Variants in ADGRL3 observed in about 807,000 individuals in gnomAD.
The protein encoded by ADGRL3 is calcium-independent alpha-latrotoxin receptor 3.
In ADGRL3, 62 loss-of-function variants were observed where a neutral mutation model predicts 153.5. That is an observed-to-expected ratio of 0.40 (90% CI 0.33 to 0.50). ADGRL3 has a LOEUF of 0.50. ADGRL3 is among the 20% of genes least tolerant of loss of function. The probability of loss-of-function intolerance (pLI) is 0.47; values close to 1 mark genes in which losing one functional copy is unlikely to be tolerated. For missense variants in ADGRL3, 1,641 were observed against 1,859.4 expected (o/e 0.88, Z 2.16); for synonymous variants, 710 against 672.5 (o/e 1.06, Z -0.86).
intron 6 of ADGRL3, among the ~76,000 whole-genome samples, chr4:61,679,771 G>C (rs1456401542): frequency 6.6e-6 from 1 of 151,950 alleles, no homozygotes; most frequent in Non-Finnish European, 1.5e-5. Context: ...ATTTGGGTCT[G>C]TTTCTAATAC....
At chr4:62,046,920 T>C (rs1466974062) in intron 25 of ADGRL3, among the ~76,000 whole-genome samples, 1 of 151,982 alleles carries the variant, frequency 6.6e-6, no homozygotes, top group Non-Finnish European at 1.5e-5. Flanking sequence ...TCTTTAATCT[T>C]GTCTTATTTC....
chr4:61,404,779 A>G (rs917281536), intron 2 of ADGRL3, among the ~76,000 whole-genome samples: 1 of 152,116 alleles, frequency 6.6e-6, no homozygotes, highest in African/African-American at 2.4e-5. Context: ...AAATCCATTC[A>G]TGTTTTCAAT....
intron 9 of ADGRL3, among the ~76,000 whole-genome samples, chr4:61,835,672 T>C (rs971944493): frequency 6.6e-6 from 1 of 152,032 alleles, no homozygotes; most frequent in Non-Finnish European, 1.5e-5. Flanking sequence ...AATCTCCCCA[T>C]GGGTAGTTTA....
intron 4 of ADGRL3, among the ~76,000 whole-genome samples, chr4:61,569,210 T>G (rs921740321): frequency 6.6e-5 from 10 of 152,326 alleles, no homozygotes; most frequent in South Asian, 2.1e-4. Flanking sequence ...TTGTGCTTTT[T>G]CATAATACAT....
rs111351960 is a variant in ADGRL3, at chr4:61,351,389, A to G, written c.-239-31735A>G. 5.4e-3 allele frequency among the ~76,000 whole-genome samples: 829 copies of G among 152,380 alleles called. 6 individuals are homozygous for G. Among genetic ancestry groups the G allele is most frequent in the African/African-American group, 0.019 (778 of 41,590 alleles). On this transcript the variant is annotated intron_variant, in intron 1 of 26. Coordinates refer to ENST00000683033, the MANE Select transcript of ADGRL3 (RefSeq NM_001387552.1). Reference sequence around the variant, plus strand: ...ATGTAGAAGCTGTAGCAAGTTATCCAGGAGATCTAGCTAAGATCATTGATG... The same window carrying G: ...ATGTAGAAGCTGTAGCAAGTTATCCGGGAGATCTAGCTAAGATCATTGATG...
intron 11 of ADGRL3, among the ~76,000 whole-genome samples, chr4:61,902,353 G>A (rs1167233499): frequency 1.3e-5 from 2 of 152,028 alleles, no homozygotes; most frequent in Non-Finnish European, 2.9e-5. Context: ...TCTCAGGCCA[G>A]GCCACTGCTT....
intron 21 of ADGRL3, among the ~76,000 whole-genome samples, chr4:62,007,395 C>CACACATAT (rs369431931): frequency 2.2e-4 from 17 of 76,458 alleles, no homozygotes; most frequent in African/African-American, 6.3e-4. Flanking sequence ...CACACACACA[C>CACACATAT]ATATATATAT....
intron 9 of ADGRL3, among the ~76,000 whole-genome samples, chr4:61,827,692 A>G (rs1164955684): frequency 6.6e-6 from 1 of 152,210 alleles, no homozygotes; most frequent in Non-Finnish European, 1.5e-5. Context: ...TAAAGCATAA[A>G]TAGACCTCCT....
intron 17 of ADGRL3, among the ~76,000 whole-genome samples, chr4:61,973,930 G>T (rs2099038566): frequency 6.6e-6 from 1 of 152,102 alleles, no homozygotes; most frequent in African/African-American, 2.4e-5. Context: ...GTTAAAATCT[G>T]CTGTCTTCAT....
At chr4:61,985,897 C>A in intron 19 of ADGRL3, among the ~76,000 whole-genome samples, 1 of 98,704 alleles carries the variant, frequency 1.0e-5, no homozygotes. Context: ...GTGAAACAGA[C>A]TAGGATTAGT....
chr4:61,247,732 G>C (rs1372157842), intron 1 of ADGRL3, among the ~76,000 whole-genome samples: 2 of 151,842 alleles, frequency 1.3e-5, no homozygotes, highest in African/African-American at 4.8e-5. Context: ...TCCTACCCCT[G>C]TATAATTTAG....
intron 2 of ADGRL3, among the ~76,000 whole-genome samples, chr4:61,470,103 C>A (rs777659157): frequency 4.6e-5 from 7 of 151,984 alleles, no homozygotes; most frequent in Non-Finnish European, 8.8e-5. Context: ...ATAAATCATA[C>A]TCCTAATGGG....
At chr4:61,781,865 C>A (rs757582919) in intron 8 of ADGRL3, among the ~76,000 whole-genome samples, 2 of 152,150 alleles carry the variant, frequency 1.3e-5, no homozygotes, top group Non-Finnish European at 2.9e-5. Context: ...AGTATACTGT[C>A]TCTGAGATAA....
intron 19 of ADGRL3, among the ~76,000 whole-genome samples, chr4:61,988,891 ATTC>A (rs1335957378): frequency 2.0e-5 from 3 of 152,172 alleles, no homozygotes; most frequent in Admixed American, 6.5e-5. Context: ...TGATAAGAAC[ATTC>A]TTGAGTCCTA....
intron 1 of ADGRL3, among the ~76,000 whole-genome samples, chr4:61,348,972 T>C (rs1358757321): frequency 6.6e-6 from 1 of 152,040 alleles, no homozygotes; most frequent in Non-Finnish European, 1.5e-5. Context: ...TTAACTGAGT[T>C]TTTTGGTGTA....
At chr4:62,053,847 A>G (rs1162030445) in intron 25 of ADGRL3, among the ~76,000 whole-genome samples, 1 of 151,594 alleles carries the variant, frequency 6.6e-6, no homozygotes, top group Non-Finnish European at 1.5e-5. Flanking sequence ...AATTTGCACA[A>G]TATTAAAAAT....
intron 1 of ADGRL3, among the ~76,000 whole-genome samples, chr4:61,331,392 T>C (rs1474405794): frequency 6.6e-6 from 1 of 152,210 alleles, no homozygotes; most frequent in Non-Finnish European, 1.5e-5. Flanking sequence ...CACTTTGACC[T>C]ATATGATAGC....
At chr4:61,452,012 G>A (rs1272390482) in intron 2 of ADGRL3, among the ~76,000 whole-genome samples, 1 of 152,136 alleles carries the variant, frequency 6.6e-6, no homozygotes, top group African/African-American at 2.4e-5. Flanking sequence ...TCAAATAACT[G>A]GTTGTGATAG....
intron 4 of ADGRL3, among the ~76,000 whole-genome samples, chr4:61,567,934 T>C (rs1268893879): frequency 6.6e-6 from 1 of 152,204 alleles, no homozygotes; most frequent in Non-Finnish European, 1.5e-5. Flanking sequence ...TTGCTACTTC[T>C]TCCTTATTCC....
Sources: gnomAD v4.1 joint callset for allele counts (sites outside exome capture counted in the v4.1 genomes callset) on GRCh38, gnomAD v4.1.1 for gene constraint, MANE v1.5 for transcripts, NCBI Gene and HGNC (gene_info 2026-07-23, HGNC 2026-07-21) for gene names.